EYS: variants seen among roughly 807,000 people sequenced by gnomAD.
The protein encoded by EYS is EGF-like photoreceptor maintenance factor.
EYS carries 250 observed loss-of-function variants against 282.1 expected under a neutral mutation model. That is an observed-to-expected ratio of 0.89 (90% confidence interval 0.80 to 0.98). The LOEUF (loss-of-function observed/expected upper bound fraction) is 0.98, where lower values mean the gene tolerates loss of function less well. Ranked by LOEUF, EYS falls within the 50% of genes least tolerant of loss-of-function variation. EYS has a pLI of 0.00. For synonymous variants in EYS, 1,355 were observed against 1,282.9 expected (o/e 1.06, Z -1.20); for missense variants, 4,016 against 3,709.0 (o/e 1.08, Z -2.15).
At chr6:64,155,922 C>T (rs181228442) in intron 31 of EYS, among the ~76,000 whole-genome samples, 136 of 151,860 alleles carry the variant, frequency 9.0e-4, no homozygotes, top group Non-Finnish European at 1.6e-3. Context: ...TGTGGAACTC[C>T]GCACAAAACC....
intron 41 of EYS, among the ~76,000 whole-genome samples, chr6:63,739,029 C>T (rs1218236390): frequency 6.6e-6 from 1 of 152,064 alleles, no homozygotes; most frequent in Non-Finnish European, 1.5e-5. Context: ...TCCTTTTTCT[C>T]ATCCTCCTTC....
intron 26 of EYS, among the ~76,000 whole-genome samples, chr6:64,479,281 T>C (rs1582803751): frequency 6.6e-6 from 1 of 152,128 alleles, no homozygotes; most frequent in East Asian, 1.9e-4. Flanking sequence ...CCTAGGATTC[T>C]TCACACTGCA....
At chr6:65,278,963 C>A (rs1230050011) in intron 12 of EYS, among the ~76,000 whole-genome samples, 2 of 152,000 alleles carry the variant, frequency 1.3e-5, no homozygotes, top group Non-Finnish European at 2.9e-5. Flanking sequence ...CCAAGGTGGG[C>A]AGATCACCTG....
intron 31 of EYS, among the ~76,000 whole-genome samples, chr6:64,132,838 A>G (rs1236198043): frequency 6.6e-6 from 1 of 152,046 alleles, no homozygotes; most frequent in Admixed American, 6.5e-5. Flanking sequence ...AGATTAATAC[A>G]GTAGTATACA....
intron 37 of EYS, among the ~76,000 whole-genome samples, chr6:63,802,567 TAG>T (rs1313600917): frequency 6.6e-6 from 1 of 152,180 alleles, no homozygotes; most frequent in Non-Finnish European, 1.5e-5. Context: ...GCCTGGGAAC[TAG>T]AGTTTTAACA....
chr6:64,993,791 G>A (rs1771156829), intron 14 of EYS, among the ~76,000 whole-genome samples: 1 of 149,558 alleles, frequency 6.7e-6, no homozygotes, highest in African/African-American at 2.5e-5. Context: ...GTGGATGAAA[G>A]TAAAGGTAGT....
chr6:65,233,120 G>A (rs1421266729), intron 12 of EYS, among the ~76,000 whole-genome samples: 1 of 152,096 alleles, frequency 6.6e-6, no homozygotes, highest in African/African-American at 2.4e-5. Flanking sequence ...CTTTGAGCAT[G>A]TTTTTAAGAG....
intron 12 of EYS, among the ~76,000 whole-genome samples, chr6:65,279,703 C>T (rs1208875983): frequency 1.3e-5 from 2 of 152,226 alleles, no homozygotes; most frequent in East Asian, 3.9e-4. Flanking sequence ...ATCAAGCATC[C>T]TTTAAATAAT....
At chr6:65,344,231 G>T (rs1223252018) in intron 9 of EYS, 54 bp from the exon 10 acceptor site, 12 of 1,382,772 alleles carry the variant, frequency 8.7e-6, no homozygotes, top group Non-Finnish European at 1.1e-5. Flanking sequence ...CTTGAATTCA[G>T]AATGAATTAT....
At chr6:63,940,010 C>T (rs1217793424) in intron 35 of EYS, among the ~76,000 whole-genome samples, 2 of 152,200 alleles carry the variant, frequency 1.3e-5, no homozygotes, top group Non-Finnish European at 2.9e-5. Context: ...TGGGTATCTA[C>T]TTAAAATGCG....
intron 12 of EYS, among the ~76,000 whole-genome samples, chr6:65,221,313 C>T (rs537755391): frequency 1.6e-4 from 24 of 152,132 alleles, no homozygotes; most frequent in Admixed American, 1.4e-3. Context: ...CATCACATGC[C>T]CAGAGGCCTA....
chr6:65,129,211 A>C (rs1775800507), intron 12 of EYS, among the ~76,000 whole-genome samples: 1 of 151,996 alleles, frequency 6.6e-6, no homozygotes, highest in Admixed American at 6.6e-5. Flanking sequence ...TCAAACTATA[A>C]ATATCCTAGA....
At chr6:63,744,063 AAC>A (rs1242268603) in intron 41 of EYS, 1 of 152,214 alleles carries the variant, frequency 6.6e-6, no homozygotes, top group African/African-American at 2.4e-5. Flanking sequence ...ACTCCCTGAA[AAC>A]ACACACCAAA....
intron 2 of EYS, among the ~76,000 whole-genome samples, chr6:65,510,962 G>C (rs992745959): frequency 2.0e-5 from 3 of 152,088 alleles, no homozygotes; most frequent in Non-Finnish European, 4.4e-5. Flanking sequence ...AGCATTCTTT[G>C]ACTGTACTTA....
chr6:63,846,982 T>C (rs1007871776), intron 36 of EYS, among the ~76,000 whole-genome samples: 7 of 152,188 alleles, frequency 4.6e-5, no homozygotes, highest in Non-Finnish European at 8.8e-5. Context: ...TTTTTAGGAA[T>C]ACCTGTAACA....
chr6:64,059,884 G>C (rs1053427285), intron 33 of EYS, among the ~76,000 whole-genome samples: 2 of 152,100 alleles, frequency 1.3e-5, no homozygotes, highest in African/African-American at 4.8e-5. Context: ...TAATGATAAA[G>C]TATTACCTAT....
intron 12 of EYS, among the ~76,000 whole-genome samples, chr6:65,128,628 A>G (rs1224745031): frequency 2.0e-5 from 3 of 152,064 alleles, no homozygotes; most frequent in Non-Finnish European, 4.4e-5. Context: ...GAAGAGAAAG[A>G]GCTCTTCAAG....
chr6:64,881,256 G>T (rs1385778899), intron 19 of EYS, among the ~76,000 whole-genome samples: 1 of 151,694 alleles, frequency 6.6e-6, no homozygotes, highest in African/African-American at 2.4e-5. Flanking sequence ...AATATGAGAA[G>T]CCTAAAATAG....
chr6:64,398,628 T>C (rs188747289), intron 28 of EYS, among the ~76,000 whole-genome samples: 2 of 152,020 alleles, frequency 1.3e-5, no homozygotes, highest in African/African-American at 4.8e-5. Context: ...TTAGAATAAA[T>C]ATAATAAAAC....
Sources: allele counts gnomAD v4.1 joint callset (sites outside exome capture counted in the v4.1 genomes callset), GRCh38; gene constraint gnomAD v4.1.1; transcripts MANE v1.5; gene names NCBI Gene and HGNC (gene_info 2026-07-23, HGNC 2026-07-21).